Variants in XPC observed in about 807,000 individuals in gnomAD.
XPC encodes the protein XPC complex subunit, DNA damage recognition and repair factor, also known as DNA repair protein complementing XP-C cells.
XPC carries 76 observed loss-of-function variants against 95.8 expected under a neutral mutation model. That is an observed-to-expected ratio of 0.79 (90% CI 0.66 to 0.96). The LOEUF (loss-of-function observed/expected upper bound fraction) is 0.96. Among genes scored for constraint, XPC ranks in the 40% least tolerant of loss-of-function variants. XPC has a pLI of 0.00. For synonymous variants in XPC, 442 were observed against 442.1 expected (o/e 1.00, Z 0.00); for missense variants, 1,146 against 1,179.8 (o/e 0.97, Z 0.42).
intron 14 of XPC, 102 bp from the exon 15 acceptor site, chr3:14,147,481 C>A (rs981266754): frequency 4.5e-6 from 5 of 1,116,918 alleles, no homozygotes; most frequent in Non-Finnish European, 6.5e-6. Context: ...ATATACACCA[C>A]TTTAGAATAT....
At chr3:14,147,242 A>G (rs1695475682) in intron 15 of XPC, 48 bp downstream of exon 15, 3 of 1,564,070 alleles carry the variant, frequency 1.9e-6, no homozygotes, top group Non-Finnish European at 2.6e-6. Context: ...CTGCATCTCC[A>G]AGAAACTGAC....
intron 14 of XPC, chr3:14,147,597 T>A: frequency 1.6e-6 from 1 of 613,502 alleles, no homozygotes; most frequent in Non-Finnish European, 2.8e-6. Context: ...TAATCGTTAC[T>A]GACTCCAAAA....
chr3:14,175,474 G>A (rs1363739066), intron 1 of XPC, among the ~76,000 whole-genome samples: 1 of 151,876 alleles, frequency 6.6e-6, no homozygotes, highest in Non-Finnish European at 1.5e-5. Flanking sequence ...TCTGCTCTAA[G>A]TACCCCTCCC....
rs377250919 is a variant in XPC at position 14,145,808 on chromosome 3, C to T, written c.*133G>A. ...GCCTCGTCTCCCCTGACCCCGCCTC[C>T]GTGCATGCTGCCTCAGTTTGCCTTC... On this transcript the variant is annotated 3_prime_UTR_variant, in exon 16 of 16. Transcript: ENST00000285021. The T allele has an allele frequency of 1.0e-3, 1,145 of 1,145,242 alleles. 17 individuals carry two copies. The South Asian group carries it at 0.014, about 14-fold the overall frequency. The allele number at this position is 1,145,242 out of a possible 1,614,324, so 70.9% of individuals were successfully genotyped here.
At chr3:14,165,608 G>C in intron 5 of XPC, 23 bp from the exon 6 acceptor site, 1 of 1,611,452 alleles carries the variant, frequency 6.2e-7, no homozygotes, top group Non-Finnish European at 8.5e-7. Context: ...AAGGAGGAAG[G>C]GGCAGCATGG....
Position 14,159,589 on chromosome 3 carries a change from A to C in XPC, c.990+152T>G, listed in dbSNP as rs948706295. 28 of 774,208 alleles carry C rather than the reference A, an allele frequency of 3.6e-5. No homozygotes were observed. In the African/African-American group the frequency reaches 4.8e-4, roughly 13 times the overall value. 48.0% of individuals were successfully genotyped at this position (774,208 alleles called of 1,614,324 possible). A position where few individuals can be genotyped will look rare whatever the true frequency, so the allele number is the denominator to read the frequency against. On this transcript the variant is annotated intron_variant, in intron 8 of 15. Transcript: ENST00000285021. ...CTGCTAGATACCCACTCACATGCCC[A>C]AGTCTTCCCTAACACAGGGTATGTG...
intron 1 of XPC, among the ~76,000 whole-genome samples, chr3:14,174,398 T>C (rs1418571853): frequency 1.3e-5 from 2 of 152,108 alleles, no homozygotes; most frequent in Non-Finnish European, 2.9e-5. Context: ...CCTCTAATAA[T>C]AGGCAAAGAT....
chr3:14,177,771 C>T (rs1184626238), intron 1 of XPC, among the ~76,000 whole-genome samples: 1 of 151,202 alleles, frequency 6.6e-6, no homozygotes, highest in Non-Finnish European at 1.5e-5. Context: ...AAAGAGGAAA[C>T]TGCAGTCACT....
intron 10 of XPC, chr3:14,153,077 G>A (rs1346026367): frequency 3.9e-5 from 6 of 152,324 alleles, no homozygotes; most frequent in Admixed American, 1.3e-4. Flanking sequence ...AATAAGGCAC[G>A]CCCATCTCAT....
Position 14,145,498 on chromosome 3 carries a change from G to C in XPC, c.*443C>G. On this transcript the variant is annotated 3_prime_UTR_variant, in exon 16 of 16. Coordinates refer to ENST00000285021, the MANE Select transcript of XPC (RefSeq NM_004628.5). ...GAAATGGTCCTAGGTCCGCAACCGA[G>C]GCGAGTGAACTTGTCGGACAGATGA... 1.4e-6 allele frequency: 1 copy of C among 698,316 alleles called. No individual in the cohort carries two copies. Among genetic ancestry groups the C allele is most frequent in the Non-Finnish European group, 2.6e-6 (1 of 383,104 alleles). 43.3% of individuals were successfully genotyped at this position (698,316 alleles called of 1,614,324 possible).
intron 1 of XPC, 152 bp downstream of exon 1, chr3:14,178,314 G>A (rs545450628): frequency 5.8e-6 from 5 of 861,822 alleles, no homozygotes; most frequent in African/African-American, 3.6e-5. Context: ...ACAGCGGGGA[G>A]GGCCGGCCGC....
At chr3:14,167,835 C>T (rs963347085) in intron 4 of XPC, among the ~76,000 whole-genome samples, 6 of 152,138 alleles carry the variant, frequency 3.9e-5, no homozygotes, top group South Asian at 2.1e-4. Flanking sequence ...CCTACCACGG[C>T]GGGCACTGCC....
chr3:14,170,665 T>G (rs1384008966), intron 2 of XPC, 115 bp from the exon 3 acceptor site: 12 of 741,622 alleles, frequency 1.6e-5, no homozygotes, highest in Admixed American at 2.7e-5. Flanking sequence ...GTTGCAACTA[T>G]TTAAAGATGA....
chr3:14,147,034 C>T (rs1319723554), intron 15 of XPC, among the ~76,000 whole-genome samples: 1 of 152,174 alleles, frequency 6.6e-6, no homozygotes, highest in Non-Finnish European at 1.5e-5. Flanking sequence ...AGACCCATGG[C>T]ATTGCTCATG....
At chr3:14,166,591 TAG>T (rs953913877) in intron 5 of XPC, among the ~76,000 whole-genome samples, 8 of 147,672 alleles carry the variant, frequency 5.4e-5, no homozygotes, top group East Asian at 2.1e-4. Context: ...ACAACTTGGC[TAG>T]AGTCTTCAAC....
At chr3:14,163,609 TGAG>T (rs1426996439) in intron 7 of XPC, among the ~76,000 whole-genome samples, 1 of 151,656 alleles carries the variant, frequency 6.6e-6, no homozygotes, top group African/African-American at 2.4e-5. Context: ...GGGGTAACAA[TGAG>T]GAGTTTAATG....
At chr3:14,148,759 G>C in intron 12 of XPC, 28 bp from the exon 13 acceptor site, 2 of 1,613,790 alleles carry the variant, frequency 1.2e-6, no homozygotes, top group Non-Finnish European at 1.7e-6. Flanking sequence ...GTCAGCATTT[G>C]GCCAGCAGGG....
At chr3:14,172,044 C>T (rs1037084309) in intron 2 of XPC, among the ~76,000 whole-genome samples, 1 of 152,126 alleles carries the variant, frequency 6.6e-6, no homozygotes, top group Non-Finnish European at 1.5e-5. Context: ...TCCCTCTGTT[C>T]TTCCTCTTCT....
At chr3:14,169,845 A>C (rs1287480756) in intron 3 of XPC, among the ~76,000 whole-genome samples, 1 of 152,234 alleles carries the variant, frequency 6.6e-6, no homozygotes, top group Non-Finnish European at 1.5e-5. Flanking sequence ...TCTTTTTATA[A>C]ATTTGAACAC....
Sources: gnomAD v4.1 joint callset for allele counts (sites outside exome capture counted in the v4.1 genomes callset) on GRCh38, gnomAD v4.1.1 for gene constraint, MANE v1.5 for transcripts, NCBI Gene and HGNC (gene_info 2026-07-23, HGNC 2026-07-21) for gene names.